Variants in TMEM132D observed in about 807,000 individuals in gnomAD.
TMEM132D encodes mature OL transmembrane protein.
In TMEM132D, 21 loss-of-function variants were observed where a neutral mutation model predicts 62.3. That is an observed-to-expected ratio of 0.34 (90% confidence interval 0.24 to 0.49). The LOEUF (loss-of-function observed/expected upper bound fraction) is 0.49, where lower values mean the gene tolerates loss of function less well. TMEM132D is among the 20% of genes least tolerant of loss of function. The probability of loss-of-function intolerance (pLI) is 0.99; values close to 1 mark genes in which losing one functional copy is unlikely to be tolerated. For missense variants in TMEM132D, 1,346 were observed against 1,402.8 expected, an observed-to-expected ratio of 0.96 and a Z score of 0.65; for synonymous variants, 621 against 575.6, an observed-to-expected ratio of 1.08 and a Z score of -1.13.
Position 129,899,200 on chromosome 12 carries a change from A to AATGG in TMEM132D, c.79+4057_79+4060dup, listed in dbSNP as rs369032108. On this transcript the variant is annotated intron_variant, in intron 1 of 8. Coordinates refer to ENST00000422113, the MANE Select transcript of TMEM132D (RefSeq NM_133448.3). ...GGATAGAAGGATGGAATGATGAATG[A>AATGG]ATGGATGGATGGGCAGACAGACAGA... Among the ~76,000 whole-genome samples, 725 of 150,180 alleles carry AATGG rather than the reference A, an allele frequency of 4.8e-3. 74 individuals are homozygous for AATGG. The highest frequency in any genetic ancestry group is 0.017 in the African/African-American group (698 of 39,902).
At chr12:129,882,788 A>T (rs958781048) in intron 1 of TMEM132D, among the ~76,000 whole-genome samples, 2 of 152,212 alleles carry the variant, frequency 1.3e-5, no homozygotes, top group African/African-American at 4.8e-5. Flanking sequence ...GATCATGGCA[A>T]TTGGTGCAAT....
At chr12:129,118,649 A>C (rs1338910043) in intron 5 of TMEM132D, among the ~76,000 whole-genome samples, 1 of 152,236 alleles carries the variant, frequency 6.6e-6, no homozygotes, top group East Asian at 1.9e-4. Context: ...CGTACCTGGC[A>C]CTGCTGTTTT....
At chr12:129,128,929 A>G (rs759020022) in intron 5 of TMEM132D, among the ~76,000 whole-genome samples, 35 of 148,004 alleles carry the variant, frequency 2.4e-4, no homozygotes, top group Non-Finnish European at 5.0e-4. Context: ...ACATGATTTC[A>G]TCGTTTTTCA....
intron 4 of TMEM132D, among the ~76,000 whole-genome samples, chr12:129,254,752 T>C (rs1880357242): frequency 6.6e-6 from 1 of 151,994 alleles, no homozygotes; most frequent in Non-Finnish European, 1.5e-5. Flanking sequence ...CTTTCTCATT[T>C]CCCCCCATAG....
intron 1 of TMEM132D, among the ~76,000 whole-genome samples, chr12:129,721,795 C>T (rs1350560850): frequency 6.6e-6 from 1 of 152,196 alleles, no homozygotes; most frequent in Non-Finnish European, 1.5e-5. Flanking sequence ...CCGACCCCAG[C>T]AAATCCATCC....
intron 1 of TMEM132D, among the ~76,000 whole-genome samples, chr12:129,752,320 T>A: frequency 6.6e-6 from 1 of 152,032 alleles, no homozygotes; most frequent in East Asian, 1.9e-4. Context: ...ACTCCAAGAG[T>A]GTGAGACTTA....
chr12:129,778,891 G>A (rs999091079), intron 1 of TMEM132D, among the ~76,000 whole-genome samples: 16 of 152,110 alleles, frequency 1.1e-4, no homozygotes, highest in Admixed American at 6.5e-5. Context: ...CTCGCCTGTG[G>A]CAACAGACAC....
At chr12:129,196,279 G>A (rs1171474396) in intron 5 of TMEM132D, among the ~76,000 whole-genome samples, 3 of 152,318 alleles carry the variant, frequency 2.0e-5, no homozygotes, top group East Asian at 1.9e-4. Flanking sequence ...AGGCAGGTAG[G>A]ATGCAGTTGT....
intron 2 of TMEM132D, among the ~76,000 whole-genome samples, chr12:129,626,684 G>C (rs567388834): frequency 6.6e-6 from 1 of 152,102 alleles, no homozygotes; most frequent in African/African-American, 2.4e-5. Flanking sequence ...CTCAACTCCT[G>C]CCCTCAAGTG....
rs568494495 is a variant in TMEM132D at position 129,452,853 on chromosome 12, G to A, written c.1115+78206C>T. Among the ~76,000 whole-genome samples the A allele has an allele frequency of 5.1e-4, 77 of 152,202 alleles. No individual in the cohort carries two copies. In the South Asian group the frequency reaches 8.5e-3, roughly 17 times the overall value. On this transcript the variant is annotated intron_variant, in intron 3 of 8. Transcript: ENST00000422113. ...TCAGGTATAACATATAGTTTCTTTC[G>A]TAACATTTAAAAATTATCTTTGTAT...
At chr12:129,281,894 T>C (rs1315244676) in intron 4 of TMEM132D, among the ~76,000 whole-genome samples, 1 of 152,150 alleles carries the variant, frequency 6.6e-6, no homozygotes, top group East Asian at 1.9e-4. Context: ...ACCAGGTGTC[T>C]TTCCTCAATG....
chr12:129,484,256 C>T (rs186926551), intron 3 of TMEM132D, among the ~76,000 whole-genome samples: 1 of 152,290 alleles, frequency 6.6e-6, no homozygotes, highest in Non-Finnish European at 1.5e-5. Context: ...ACGTGAGTCA[C>T]CGCAAGTCAC....
intron 1 of TMEM132D, among the ~76,000 whole-genome samples, chr12:129,846,107 G>A (rs1306120371): frequency 6.6e-6 from 1 of 152,154 alleles, no homozygotes; most frequent in East Asian, 1.9e-4. Flanking sequence ...GTTTCAGGTA[G>A]TCTTCAATCT....
intron 5 of TMEM132D, among the ~76,000 whole-genome samples, chr12:129,146,341 C>T (rs549439019): frequency 1.3e-5 from 2 of 152,268 alleles, no homozygotes; most frequent in African/African-American, 4.8e-5. Flanking sequence ...AGCCTTTCTG[C>T]AATTTTCCTG....
At chr12:129,326,269 A>G (rs1301183587) in intron 4 of TMEM132D, among the ~76,000 whole-genome samples, 1 of 152,144 alleles carries the variant, frequency 6.6e-6, no homozygotes, top group South Asian at 2.1e-4. Flanking sequence ...AGGAGATAAA[A>G]GTTTATATCA....
intron 5 of TMEM132D, among the ~76,000 whole-genome samples, chr12:129,143,791 G>A (rs1416721717): frequency 6.6e-6 from 1 of 152,192 alleles, no homozygotes; most frequent in East Asian, 1.9e-4. Context: ...TATACCTGCA[G>A]ATGGGAAACC....
rs1210801389 is a variant in TMEM132D at position 129,223,716 on chromosome 12, G to A, written c.1300-14053C>T. The stretch of plus-strand genomic sequence containing the variant: ...AGCTCCTCTTTGGTTCATCTCTGGT[G>A]TTAGCTTCCTAACTTTTCTCATTTC... On this transcript the variant is annotated intron_variant, in intron 4 of 8. Coordinates refer to ENST00000422113, the MANE Select transcript of TMEM132D (RefSeq NM_133448.3). Among the ~76,000 whole-genome samples the A allele has an allele frequency of 2.0e-5, 3 of 152,166 alleles. No homozygotes were observed. The East Asian group carries it at 5.8e-4, about 29-fold the overall frequency.
chr12:129,087,436 G>GAGAT (rs1593255211), intron 5 of TMEM132D, among the ~76,000 whole-genome samples: 1 of 150,838 alleles, frequency 6.6e-6, no homozygotes, highest in South Asian at 2.1e-4. Flanking sequence ...TAAGGGTCTT[G>GAGAT]AGATAGATAG....
At chr12:129,709,344 C>G (rs1193954001) in intron 1 of TMEM132D, among the ~76,000 whole-genome samples, 1 of 152,112 alleles carries the variant, frequency 6.6e-6, no homozygotes, top group Non-Finnish European at 1.5e-5. Context: ...AGCCATAAAG[C>G]TGAAAAATCA....
Sources: allele counts gnomAD v4.1 joint callset (sites outside exome capture counted in the v4.1 genomes callset), GRCh38; gene constraint gnomAD v4.1.1; transcripts MANE v1.5; gene names NCBI Gene and HGNC (gene_info 2026-07-23, HGNC 2026-07-21).